DNAH3: variants seen among roughly 807,000 people sequenced by gnomAD.
DNAH3 encodes axonemal beta dynein heavy chain 3.
Under a neutral mutation model 432.5 loss-of-function variants are expected in DNAH3, and 332 were observed. That is an observed-to-expected ratio of 0.77 (90% CI 0.70 to 0.84). The LOEUF is 0.84. DNAH3 is among the 40% of genes least tolerant of loss of function. The probability of loss-of-function intolerance (pLI) is 0.00; values close to 1 mark genes in which losing one functional copy is unlikely to be tolerated. For missense variants in DNAH3, 4,861 were observed against 5,114.0 expected (o/e 0.95, Z 1.51); for synonymous variants, 1,956 against 1,900.2 (o/e 1.03, Z -0.76).
intron 48 of DNAH3, among the ~76,000 whole-genome samples, chr16:20,983,664 CTA>C (rs1395707100): frequency 2.0e-5 from 3 of 151,720 alleles, no homozygotes; most frequent in East Asian, 1.9e-4. Context: ...GTTATTTAGA[CTA>C]TGTGTGGTGG....
intron 11 of DNAH3, among the ~76,000 whole-genome samples, chr16:21,118,927 A>T (rs1208891158): frequency 6.6e-6 from 1 of 152,244 alleles, no homozygotes; most frequent in Admixed American, 6.5e-5. Flanking sequence ...GGCTGGTCTC[A>T]GAAAAGGTCT....
intron 7 of DNAH3, among the ~76,000 whole-genome samples, chr16:21,132,861 T>A (rs572085623): frequency 6.6e-6 from 1 of 152,142 alleles, no homozygotes; most frequent in South Asian, 2.1e-4. Context: ...CATTGTGTAC[T>A]TTCAAAGGGT....
At chr16:20,985,451 G>A (rs534332440) in exon 48 of DNAH3, 1 of 1,614,240 alleles carries the variant, frequency 6.2e-7, no homozygotes, top group Non-Finnish European at 8.5e-7. Flanking sequence ...CCCACCAGGA[G>A]CAGGTGGCCT....
chr16:21,117,171 T>C (rs746207334), intron 12 of DNAH3, 32 bp downstream of exon 12: 2 of 1,471,414 alleles, frequency 1.4e-6, no homozygotes, highest in South Asian at 2.4e-5. Flanking sequence ...CCCAAAAAGC[T>C]ACATAGCTAA....
intron 41 of DNAH3, among the ~76,000 whole-genome samples, chr16:21,005,497 G>A (rs1214549008): frequency 6.6e-6 from 1 of 151,896 alleles, no homozygotes; most frequent in African/African-American, 2.4e-5. Context: ...TCTTCTCACA[G>A]CCCCCTAAGT....
rs1199127638 is a variant in DNAH3 at position 21,075,561 on chromosome 16, T to A, written c.2970A>T (p.Lys990Asn). The A allele has an allele frequency of 1.9e-6, 3 of 1,610,862 alleles. No homozygotes were observed. In the South Asian group the frequency reaches 3.3e-5, roughly 18 times the overall value. ...TGGCAGCTGCACCAATGGGCTCCAA[T>A]CTAAAGAGAGAACACAGCAACAGCA... Residue 990 changes from lysine to asparagine, a missense_variant and splice_region_variant, in exon 21 of 62, where the codon AAA becomes AAT. Transcript: ENST00000261383.
Position 21,029,008 on chromosome 16 carries a change from G to A in DNAH3, c.5440-1881C>T, listed in dbSNP as rs117126322. On this transcript the variant is annotated intron_variant, in intron 37 of 61. Coordinates refer to ENST00000261383, the Ensembl canonical transcript of DNAH3. Reference sequence around the variant, plus strand: ...TTACAAGGCTGACACCACCAACCGCGTCATCTCTGAATATAAAGAAAGCTA... The same window carrying A: ...TTACAAGGCTGACACCACCAACCGCATCATCTCTGAATATAAAGAAAGCTA... Among the ~76,000 whole-genome samples the A allele has an allele frequency of 3.0e-3, 460 of 152,242 alleles. 1 individual carries two copies. Among genetic ancestry groups the A allele is most frequent in the Non-Finnish European group, 3.7e-3 (252 of 68,016 alleles).
At chr16:21,085,466 T>C (rs527857316) in intron 19 of DNAH3, among the ~76,000 whole-genome samples, 8 of 139,662 alleles carry the variant, frequency 5.7e-5, no homozygotes, top group African/African-American at 1.6e-4. Context: ...ACTGCTTGAA[T>C]GTAGTGAGCC....
At chr16:21,060,348 C>T (rs767443801) in exon 26 of DNAH3, 4 of 1,613,678 alleles carry the variant, frequency 2.5e-6, no homozygotes, top group Non-Finnish European at 3.4e-6. Context: ...GCCACTTTTC[C>T]ACCATGCCCT....
chr16:20,966,775 C>G (rs1596988885), intron 52 of DNAH3, among the ~76,000 whole-genome samples: 1 of 152,316 alleles, frequency 6.6e-6, no homozygotes, highest in Non-Finnish European at 1.5e-5. Flanking sequence ...GGAGCCCAAT[C>G]AGTCCTCCCT....
At chr16:20,981,648 C>A (rs2085902699) in intron 49 of DNAH3, among the ~76,000 whole-genome samples, 1 of 152,068 alleles carries the variant, frequency 6.6e-6, no homozygotes, top group Non-Finnish European at 1.5e-5. Context: ...TCGCATTAAC[C>A]CGGGAGGCGG....
chr16:21,031,240 G>A, exon 37 of DNAH3: 1 of 1,614,076 alleles, frequency 6.2e-7, no homozygotes, highest in Non-Finnish European at 8.5e-7. Flanking sequence ...TGATAGCCTT[G>A]GGGTTGATGA....
chr16:21,075,140 T>G (rs1054563522), intron 21 of DNAH3, among the ~76,000 whole-genome samples: 2 of 152,098 alleles, frequency 1.3e-5, no homozygotes, highest in African/African-American at 4.8e-5. Context: ...CTGGGAAGCT[T>G]TGGAATGGTG....
At chr16:21,012,282 G>T (rs1424747450) in intron 41 of DNAH3, among the ~76,000 whole-genome samples, 1 of 152,112 alleles carries the variant, frequency 6.6e-6, no homozygotes, top group Non-Finnish European at 1.5e-5. Context: ...TGACGGAAAG[G>T]ATGCATCACA....
intron 52 of DNAH3, among the ~76,000 whole-genome samples, chr16:20,969,191 C>G (rs1055784408): frequency 1.5e-4 from 23 of 149,504 alleles, no homozygotes; most frequent in African/African-American, 5.4e-4. Context: ...TATGCATGTG[C>G]ATGCCTGTAT....
intron 46 of DNAH3, 28 bp from the exon 47 acceptor site, chr16:20,987,476 C>T (rs369949327): frequency 3.3e-5 from 53 of 1,612,802 alleles, no homozygotes; most frequent in South Asian, 5.5e-5. Flanking sequence ...ATTATTCAAA[C>T]GAGTGGAAGA....
chr16:21,133,802 C>A (rs969470489), intron 7 of DNAH3, among the ~76,000 whole-genome samples: 1 of 152,146 alleles, frequency 6.6e-6, no homozygotes, highest in Non-Finnish European at 1.5e-5. Context: ...ATTACTGGTG[C>A]TTAAGTTATA....
rs751238068 is a variant in DNAH3 at position 20,959,280 on chromosome 16, C to T, written c.10725G>A (p.Trp3575Ter). 1.2e-6 allele frequency: 2 copies of T among 1,614,136 alleles called. No homozygotes were observed. Among genetic ancestry groups the T allele is most frequent in the Admixed American group, 1.7e-5 (1 of 60,020 alleles). The change falls in exon 54 of 62, where the codon TGG becomes TGA. Residue 3575 changes from tryptophan to a stop codon, truncating the protein, a stop_gained. Coordinates refer to ENST00000261383, the Ensembl canonical transcript of DNAH3. LOFTEE classifies it high-confidence loss of function. ...CCAGGTGGCAGTTCTGTAAGACCAC[C>T]CAGGTCCCGTCTTTGATGGCATTGT...
In DNAH3 at chr16:20,982,823, C is replaced by G. The variant is rs138171276; in HGVS notation, c.7757G>C (p.Cys2586Ser). Residue 2586 changes from cysteine to serine, a missense_variant, in exon 49 of 62, where the codon TGC becomes TCC. Cys to Ser is a moderately radical substitution (Grantham distance 112, BLOSUM62 -1). Coordinates refer to ENST00000261383, the Ensembl canonical transcript of DNAH3. ...GGACTGGAACCAATCAATCGTACAG[C>G]AATTGATCAGCGAAGGGAACATCCG... is the stretch of plus-strand genomic sequence containing the variant. 3 of 1,614,082 alleles carry G rather than the reference C, an allele frequency of 1.9e-6. No individual in the cohort carries two copies. In the African/African-American group the frequency reaches 4.0e-5, roughly 22 times the overall value.
Sources: allele counts gnomAD v4.1 joint callset (sites outside exome capture counted in the v4.1 genomes callset), GRCh38; gene constraint gnomAD v4.1.1; transcripts MANE v1.5; gene names NCBI Gene and HGNC (gene_info 2026-07-23, HGNC 2026-07-21).